SORCS2: variants seen among roughly 807,000 people sequenced by gnomAD.
SORCS2 encodes the protein VPS10 domain-containing receptor SorCS2.
A neutral mutation model predicts 141.6 loss-of-function variants in SORCS2; 100 were observed. The ratio of observed to expected loss-of-function variants is 0.71; its 90% CI spans 0.60 to 0.83. The LOEUF (loss-of-function observed/expected upper bound fraction) is 0.83, where lower values mean the gene tolerates loss of function less well. SORCS2 is among the 40% of genes least tolerant of loss of function. The pLI is 0.00. For synonymous variants in SORCS2, 789 were observed against 676.9 expected, an observed-to-expected ratio of 1.17 and a Z score of -2.57; for missense variants, 1,646 against 1,560.2, an observed-to-expected ratio of 1.05 and a Z score of -0.93.
chr4:7,209,928 C>T (rs377044982), intron 1 of SORCS2, among the ~76,000 whole-genome samples: 12 of 152,268 alleles, frequency 7.9e-5, no homozygotes, highest in East Asian at 7.7e-4. Flanking sequence ...GATCCTCTGC[C>T]GGGGGAAGGG....
At chr4:7,461,186 C>T (rs893532321) in intron 2 of SORCS2, among the ~76,000 whole-genome samples, 5 of 152,210 alleles carry the variant, frequency 3.3e-5, no homozygotes, top group South Asian at 4.1e-4. Flanking sequence ...TTCATCATTT[C>T]CTGGTCCTTA....
In SORCS2 at chr4:7,466,023, C is replaced by T. The variant is rs1036353376; in HGVS notation, c.549-65507C>T. Among the ~76,000 whole-genome samples the T allele has an allele frequency of 2.0e-5, 3 of 152,294 alleles. No homozygotes were observed. In the East Asian group the frequency reaches 5.8e-4, roughly 29 times the overall value. The stretch of plus-strand genomic sequence containing the variant: ...GTTGATAGAAATTTTTTATTAATTG[C>T]CCCAAATCTCACAGCTCGAAGACTA... On this transcript the variant is annotated intron_variant, in intron 2 of 26. Coordinates refer to ENST00000507866, the MANE Select transcript of SORCS2 (RefSeq NM_020777.3).
intron 1 of SORCS2, among the ~76,000 whole-genome samples, chr4:7,203,259 T>G (rs1219721484): frequency 6.6e-6 from 1 of 152,218 alleles, no homozygotes; most frequent in Non-Finnish European, 1.5e-5. Context: ...TGGTGAAAAT[T>G]TGTAAAAATA....
At position 7,737,186 on chromosome 4, in the gene SORCS2, AGATGAT is replaced by A; in HGVS notation, c.3415+18_3415+23del. ...GCGCTGTCCAGGGTGAGGAGTTTATAGATGATGATCTCGACTCGCAGACTCTAGGTA... is the reference window on the plus strand; with the variant it reads ...GCGCTGTCCAGGGTGAGGAGTTTATAGATCTCGACTCGCAGACTCTAGGTA... On this transcript the variant is annotated intron_variant, in intron 26 of 26. Coordinates refer to ENST00000507866, the MANE Select transcript of SORCS2 (RefSeq NM_020777.3). 1.9e-6 allele frequency: 3 copies of A among 1,550,910 alleles called. No homozygotes were observed. Among genetic ancestry groups the A allele is most frequent in the Non-Finnish European group, 2.6e-6 (3 of 1,146,820 alleles).
At chr4:7,241,789 C>T (rs1712715352) in intron 1 of SORCS2, among the ~76,000 whole-genome samples, 1 of 152,210 alleles carries the variant, frequency 6.6e-6, no homozygotes, top group African/African-American at 2.4e-5. Flanking sequence ...GAAAGTGCTG[C>T]AGAGCGACTG....
chr4:7,369,350 T>C (rs1722105916), intron 1 of SORCS2, among the ~76,000 whole-genome samples: 1 of 152,126 alleles, frequency 6.6e-6, no homozygotes, highest in African/African-American at 2.4e-5. Context: ...CCTCTTTCTT[T>C]TATAGATTGC....
chr4:7,216,955 C>CCTGTGGCTCTTCTGATCCCCCAT (rs1163253882), intron 1 of SORCS2, among the ~76,000 whole-genome samples: 4 of 152,150 alleles, frequency 2.6e-5, no homozygotes, highest in African/African-American at 9.6e-5. Flanking sequence ...CGTGGCGGTT[C>CCTGTGGCTCTTCTGATCCCCCAT]CCGTGGCTCT....
At chr4:7,726,111 C>T (rs1363553624) in intron 20 of SORCS2, among the ~76,000 whole-genome samples, 2 of 152,244 alleles carry the variant, frequency 1.3e-5, no homozygotes, top group Non-Finnish European at 1.5e-5. Context: ...GTGCACCATC[C>T]CCATGGCTGG....
intron 2 of SORCS2, among the ~76,000 whole-genome samples, chr4:7,463,498 G>C (rs1403318882): frequency 6.6e-6 from 1 of 152,138 alleles, no homozygotes; most frequent in African/African-American, 2.4e-5. Context: ...GAAAATCCCT[G>C]GGGGTGGGGG....
intron 12 of SORCS2, among the ~76,000 whole-genome samples, chr4:7,700,219 A>C (rs967541133): frequency 1.7e-4 from 26 of 152,194 alleles, no homozygotes; most frequent in African/African-American, 6.0e-4. Context: ...CGCTGACTCA[A>C]ATCTGGACTT....
At chr4:7,274,238 T>C (rs960705171) in intron 1 of SORCS2, among the ~76,000 whole-genome samples, 3 of 152,254 alleles carry the variant, frequency 2.0e-5, no homozygotes, top group African/African-American at 7.2e-5. Flanking sequence ...CTGAAAATAC[T>C]GAAGTGGGGA....
intron 3 of SORCS2, among the ~76,000 whole-genome samples, chr4:7,586,458 A>G (rs924803842): frequency 6.6e-6 from 1 of 152,054 alleles, no homozygotes; most frequent in Non-Finnish European, 1.5e-5. Context: ...TCCATAAGCT[A>G]TTTTTCCTGA....
intron 10 of SORCS2, among the ~76,000 whole-genome samples, chr4:7,684,000 G>A (rs2108971417): frequency 6.6e-6 from 1 of 152,278 alleles, no homozygotes; most frequent in South Asian, 2.1e-4. Flanking sequence ...GTGGATGCAA[G>A]GGAGGAAGAG....
rs373319138 is a variant in SORCS2, at chr4:7,408,247, GA to G, written c.548+11897del. On this transcript the variant is annotated intron_variant, in intron 2 of 26. Coordinates refer to ENST00000507866, the MANE Select transcript of SORCS2 (RefSeq NM_020777.3). Reference sequence around the variant, plus strand: ...TTTTAATTTTTTTTCCTTTCAGATGGAAAAACTCCCTTTAACCTTTCTTCTA... The same window carrying G: ...TTTTAATTTTTTTTCCTTTCAGATGGAAAACTCCCTTTAACCTTTCTTCTA... Among the ~76,000 whole-genome samples, 949 of 152,028 alleles carry G rather than the reference GA, an allele frequency of 6.2e-3. 7 individuals are homozygous for G. The highest frequency in any genetic ancestry group is 0.022 in the African/African-American group (902 of 41,476).
intron 2 of SORCS2, among the ~76,000 whole-genome samples, chr4:7,411,780 C>T (rs549651008): frequency 2.0e-5 from 3 of 152,142 alleles, no homozygotes; most frequent in African/African-American, 7.2e-5. Context: ...GCTGAAAGAA[C>T]CAGGGAAGCC....
chr4:7,412,693 G>C (rs186148869), intron 2 of SORCS2, among the ~76,000 whole-genome samples: 1 of 151,812 alleles, frequency 6.6e-6, no homozygotes, highest in Admixed American at 6.6e-5. Context: ...CCCCTGGGGC[G>C]GGGGCCCTCC....
chr4:7,614,899 C>T (rs551531854), intron 3 of SORCS2, among the ~76,000 whole-genome samples: 1 of 152,108 alleles, frequency 6.6e-6, no homozygotes, highest in Non-Finnish European at 1.5e-5. Context: ...ATCCACCCAT[C>T]AATCCATTCA....
intron 1 of SORCS2, among the ~76,000 whole-genome samples, chr4:7,339,399 G>A (rs991078570): frequency 2.6e-5 from 4 of 152,228 alleles, no homozygotes; most frequent in African/African-American, 4.8e-5. Flanking sequence ...AAAGTACCAC[G>A]GGCAGTTCTG....
chr4:7,718,905 A>G (rs1466080484), intron 18 of SORCS2, among the ~76,000 whole-genome samples: 1 of 152,250 alleles, frequency 6.6e-6, no homozygotes, highest in East Asian at 1.9e-4. Flanking sequence ...TTAATTTGTA[A>G]CATGCTTATT....
Sources: allele counts gnomAD v4.1 joint callset (sites outside exome capture counted in the v4.1 genomes callset), GRCh38; gene constraint gnomAD v4.1.1; transcripts MANE v1.5; gene names NCBI Gene and HGNC (gene_info 2026-07-23, HGNC 2026-07-21).